Variants in SPIDR observed in about 807,000 individuals in gnomAD.
SPIDR encodes scaffold protein involved in DNA repair.
A neutral mutation model predicts 104.6 loss-of-function variants in SPIDR; 93 were observed. The observed-to-expected ratio is 0.89, with a 90% CI of 0.75 to 1.06. SPIDR has a LOEUF of 1.06. Among genes scored for constraint, SPIDR ranks in the 50% least tolerant of loss-of-function variants. The probability of loss-of-function intolerance (pLI) is 0.00; values close to 1 mark genes in which losing one functional copy is unlikely to be tolerated. For synonymous variants in SPIDR, 431 were observed against 416.9 expected (o/e 1.03, Z -0.41); for missense variants, 1,154 against 1,111.2 (o/e 1.04, Z -0.55).
rs968391428 is a variant in SPIDR, at chr8:47,700,346, C to A, written c.1686-57C>A. The A allele has an allele frequency of 5.1e-6, 8 of 1,561,140 alleles. No individual in the cohort carries two copies. In the African/African-American group the frequency reaches 1.1e-4, roughly 21 times the overall value. On this transcript the variant is annotated intron_variant, in intron 11 of 19. Coordinates refer to ENST00000297423, the MANE Select transcript of SPIDR (RefSeq NM_001080394.4). ...GTTAAGCATTCTACCAGCTCACTGG[C>A]CAAGTACTCAGTAAGGGATGTCTGA... is the stretch of plus-strand genomic sequence containing the variant.
At chr8:47,577,859 C>T (rs1159309153) in intron 8 of SPIDR, among the ~76,000 whole-genome samples, 2 of 152,082 alleles carry the variant, frequency 1.3e-5, no homozygotes, top group South Asian at 2.1e-4. Context: ...AGGTGGGACC[C>T]GGCAACCTGT....
At chr8:47,685,327 A>G (rs1005391687) in intron 11 of SPIDR, among the ~76,000 whole-genome samples, 3 of 152,028 alleles carry the variant, frequency 2.0e-5, no homozygotes, top group Non-Finnish European at 2.9e-5. Context: ...ACCTTGCAGC[A>G]CAGTAAGTCT....
intron 8 of SPIDR, among the ~76,000 whole-genome samples, chr8:47,508,980 T>A (rs2081915208): frequency 6.6e-6 from 1 of 152,082 alleles, no homozygotes; most frequent in African/African-American, 2.4e-5. Context: ...TGTTCTTTCT[T>A]AAAGGACCAG....
chr8:47,652,563 T>G (rs746252025), intron 10 of SPIDR, among the ~76,000 whole-genome samples: 1 of 152,246 alleles, frequency 6.6e-6, no homozygotes, highest in Non-Finnish European at 1.5e-5. Flanking sequence ...TTAAGTACAG[T>G]AAACTGAATA....
intron 7 of SPIDR, among the ~76,000 whole-genome samples, chr8:47,425,825 G>T (rs2066316055): frequency 6.6e-6 from 1 of 152,090 alleles, no homozygotes; most frequent in Non-Finnish European, 1.5e-5. Context: ...GAGTACCTTT[G>T]TCATGTTAAT....
intron 10 of SPIDR, among the ~76,000 whole-genome samples, chr8:47,653,484 C>G (rs2072076799): frequency 1.3e-5 from 2 of 148,184 alleles, no homozygotes; most frequent in South Asian, 4.3e-4. Flanking sequence ...TAGTGTAGAT[C>G]CCTCCTTCCT....
At chr8:47,586,507 T>A (rs2060266986) in intron 8 of SPIDR, among the ~76,000 whole-genome samples, 1 of 152,256 alleles carries the variant, frequency 6.6e-6, no homozygotes, top group Non-Finnish European at 1.5e-5. Context: ...TCTTTCCTTG[T>A]GCTAATGTGC....
At chr8:47,471,031 G>A (rs577485455) in intron 8 of SPIDR, among the ~76,000 whole-genome samples, 4 of 152,294 alleles carry the variant, frequency 2.6e-5, no homozygotes, top group South Asian at 2.1e-4. Context: ...ACCATGCCCG[G>A]CCGACTGAAA....
rs1328591277 is a variant in SPIDR, at chr8:47,398,934, G to A, written c.776+2308G>A. On this transcript the variant is annotated intron_variant, in intron 6 of 19. Coordinates refer to ENST00000297423, the MANE Select transcript of SPIDR (RefSeq NM_001080394.4). ...AGATGCTGCCAGGGCTGACCTCTGT[G>A]ATTCCACGGTGAAAGGCAGGGTGTG... Among the ~76,000 whole-genome samples the A allele has an allele frequency of 2.0e-5, 3 of 152,328 alleles. No homozygotes were observed. The East Asian group carries it at 5.8e-4, about 29-fold the overall frequency.
At chr8:47,488,102 C>CACT (rs2154365089) in intron 8 of SPIDR, among the ~76,000 whole-genome samples, 1 of 152,052 alleles carries the variant, frequency 6.6e-6, no homozygotes, top group East Asian at 1.9e-4. Flanking sequence ...ATTGATAGAC[C>CACT]ACTAGCAAGA....
chr8:47,530,868 TA>T (rs1462570922), intron 8 of SPIDR, among the ~76,000 whole-genome samples: 4 of 152,236 alleles, frequency 2.6e-5, no homozygotes, highest in South Asian at 4.1e-4. Flanking sequence ...ATTTCAAAAA[TA>T]TTTTTTATAT....
intron 5 of SPIDR, among the ~76,000 whole-genome samples, chr8:47,322,927 G>A (rs1007494338): frequency 5.3e-5 from 8 of 152,116 alleles, no homozygotes; most frequent in South Asian, 4.2e-4. Context: ...ATCATACGCC[G>A]GGGCCTGTTG....
In SPIDR at chr8:47,595,902, A is replaced by G. The variant is rs745521443; in HGVS notation, c.1189A>G (p.Thr397Ala). ...TGTTGCCAAAGAAGATTCAGAAAAA[A>G]CTTGTGAAGTGTACTGTCCGGACAT... ...KVVAKEDSEK[T>A]CEVYCPDIPL... The change falls in exon 9 of 20, where the codon ACT (threonine) becomes GCT (alanine). Residue 397 changes from threonine (T) to alanine (A), a missense_variant. Thr to Ala is a moderately conservative substitution (Grantham distance 58). Coordinates refer to ENST00000297423, the MANE Select transcript of SPIDR (RefSeq NM_001080394.4). The G allele has an allele frequency of 1.9e-5, 30 of 1,614,180 alleles. 2 individuals are homozygous for G. In the South Asian group the frequency reaches 3.1e-4, roughly 17 times the overall value.
At chr8:47,619,643 G>A (rs963518349) in intron 10 of SPIDR, among the ~76,000 whole-genome samples, 1 of 149,538 alleles carries the variant, frequency 6.7e-6, no homozygotes, top group Non-Finnish European at 1.5e-5. Flanking sequence ...AAGGGATGGG[G>A]TCTCACTCTG....
At chr8:47,274,518 C>T (rs951761067) in intron 1 of SPIDR, among the ~76,000 whole-genome samples, 15 of 151,716 alleles carry the variant, frequency 9.9e-5, no homozygotes, top group Non-Finnish European at 1.6e-4. Context: ...TTATTTTTTC[C>T]CCTTGATTGA....
chr8:47,668,882 A>G (rs1014028199), intron 10 of SPIDR, among the ~76,000 whole-genome samples: 1 of 152,210 alleles, frequency 6.6e-6, no homozygotes, highest in African/African-American at 2.4e-5. Context: ...CGTAGATCTA[A>G]CAAAACATGT....
At chr8:47,401,068 G>A (rs1233374430) in intron 6 of SPIDR, among the ~76,000 whole-genome samples, 1 of 152,094 alleles carries the variant, frequency 6.6e-6, no homozygotes, top group Non-Finnish European at 1.5e-5. Flanking sequence ...AGGAAGAAAT[G>A]TTAAGGGCAG....
intron 11 of SPIDR, among the ~76,000 whole-genome samples, chr8:47,675,953 C>T (rs79670577): frequency 1.3e-5 from 2 of 152,340 alleles, no homozygotes; most frequent in African/African-American, 2.4e-5. Flanking sequence ...GGCAAGGACA[C>T]GAGGGGGCTC....
chr8:47,448,172 CTTCT>C (rs1256082155), intron 8 of SPIDR, among the ~76,000 whole-genome samples: 12 of 152,094 alleles, frequency 7.9e-5, no homozygotes, highest in Non-Finnish European at 8.8e-5. Context: ...AATACTCATG[CTTCT>C]TTATCTGCTT....
Sources: gnomAD v4.1 joint callset for allele counts (sites outside exome capture counted in the v4.1 genomes callset) on GRCh38, gnomAD v4.1.1 for gene constraint, MANE v1.5 for transcripts, NCBI Gene and HGNC (gene_info 2026-07-23, HGNC 2026-07-21) for gene names.